Variants in ZNF559 observed in about 807,000 individuals in gnomAD.
The protein encoded by ZNF559 is zinc finger protein 559, also known as putative protein product of Nbla00121.
Under a neutral mutation model 14.2 loss-of-function variants are expected in ZNF559, and 17 were observed. The observed-to-expected ratio is 1.20, with a 90% CI of 0.82 to 1.80. ZNF559 has a LOEUF of 1.80. Ranked by LOEUF, ZNF559 falls within the 40% of genes most tolerant of loss-of-function variation. The probability of loss-of-function intolerance (pLI) is 0.00; values close to 1 mark genes in which losing one functional copy is unlikely to be tolerated. For missense variants in ZNF559, 740 were observed against 629.7 expected (o/e 1.18, Z -1.88); for synonymous variants, 244 against 212.4 (o/e 1.15, Z -1.29).
rs953538184 is a variant in ZNF559 at position 9,343,858 on chromosome 19, T to C, written c.*790T>C. On this transcript the variant is annotated 3_prime_UTR_variant, in exon 7 of 7. Coordinates refer to ENST00000603380, the MANE Select transcript of ZNF559 (RefSeq NM_032497.3). ...TAGCTGGTCTGAAGATCCTGAGTTA[T>C]CTCAATTGTTCACGGTTACAGATGG... The C allele has an allele frequency of 2.1e-6, 2 of 951,452 alleles. No homozygotes were observed. The highest frequency in any genetic ancestry group is 6.2e-5 in the Admixed American group (1 of 16,218). 58.9% of individuals were successfully genotyped at this position (951,452 alleles called of 1,614,324 possible).
upstream of ZNF559, chr19:9,323,952 T>A: frequency 1.8e-6 from 1 of 570,894 alleles, no homozygotes; most frequent in Non-Finnish European, 3.1e-6. Context: ...CTTTCTTTGC[T>A]TTGCTGGGCG....
At chr19:9,331,334 C>G (rs1246655454) in intron 2 of ZNF559, among the ~76,000 whole-genome samples, 2 of 152,144 alleles carry the variant, frequency 1.3e-5, no homozygotes, top group Non-Finnish European at 2.9e-5. Context: ...ATTCTCTTGC[C>G]TTGGCCTCCC....
At chr19:9,329,741 G>A (rs1032320112) in intron 2 of ZNF559, among the ~76,000 whole-genome samples, 1 of 152,150 alleles carries the variant, frequency 6.6e-6, no homozygotes, top group African/African-American at 2.4e-5. Flanking sequence ...TTGGCCTACT[G>A]CAACCTCCAC....
intron 5 of ZNF559, 114 bp from the exon 6 acceptor site, chr19:9,340,988 C>T (rs748520222): frequency 2.5e-6 from 2 of 808,432 alleles, no homozygotes; most frequent in African/African-American, 1.8e-5. Context: ...AAAAAACAAA[C>T]TATATTTCAA....
intron 2 of ZNF559, among the ~76,000 whole-genome samples, chr19:9,324,987 A>C (rs528959526): frequency 6.6e-6 from 1 of 152,246 alleles, no homozygotes; most frequent in Non-Finnish European, 1.5e-5. Flanking sequence ...CCAGGCCATC[A>C]CCTAGATCTC....
rs936925707 is a variant in ZNF559 at position 9,345,435 on chromosome 19, A to G, written c.*2367A>G. 7 of 152,168 alleles carry G rather than the reference A, an allele frequency of 4.6e-5. No homozygotes were observed. The highest frequency in any genetic ancestry group is 2.6e-4 in the Admixed American group (4 of 15,278). The allele number at this position is 152,168 out of a possible 1,614,324, so 9.4% of individuals were successfully genotyped here. A position where few individuals can be genotyped will look rare whatever the true frequency, so the allele number is the denominator to read the frequency against. ...CCATGAGCAGTATATAAGAGTTGCAATTCTTCTGCATCCTTGCCAATTATT... is the reference window on the plus strand; with the variant it reads ...CCATGAGCAGTATATAAGAGTTGCAGTTCTTCTGCATCCTTGCCAATTATT... On this transcript the variant is annotated 3_prime_UTR_variant, in exon 7 of 7. Transcript: ENST00000603380.
rs776219611 is a variant in ZNF559, at chr19:9,342,618, CTT to C, written c.1169_1170del (p.Phe390TyrfsTer2). 3 of 1,614,056 alleles carry C rather than the reference CTT, an allele frequency of 1.9e-6. No homozygotes were observed. The highest frequency in any genetic ancestry group is 1.7e-6 in the Non-Finnish European group (2 of 1,180,016). Reference sequence around the variant, plus strand: ...ATCAATGTAAGGAATGTGGAAAAGCCTTTATTAATTCCTCTTCCTTTAAAAGT... The same window carrying C: ...ATCAATGTAAGGAATGTGGAAAAGCCTATTAATTCCTCTTCCTTTAAAAGT... The part of the protein sequence containing the change: ...PYQCKECGKA[F>X]INSSSFKSHM... On this transcript the variant is annotated frameshift_variant, in exon 7 of 7. Coordinates refer to ENST00000603380, the MANE Select transcript of ZNF559 (RefSeq NM_032497.3). LOFTEE classifies it low-confidence loss of function (END_TRUNC).
At chr19:9,332,457 G>A (rs947834856) in intron 2 of ZNF559, among the ~76,000 whole-genome samples, 1 of 152,140 alleles carries the variant, frequency 6.6e-6, no homozygotes, top group Non-Finnish European at 1.5e-5. Flanking sequence ...AGGGCCCAGA[G>A]TACCTTAAAT....
chr19:9,340,446 A>G (rs2067495590), intron 5 of ZNF559, among the ~76,000 whole-genome samples: 1 of 150,332 alleles, frequency 6.7e-6, no homozygotes. Context: ...TAAATTTATG[A>G]TTTGCATTTA....
At chr19:9,327,240 T>A (rs55696432) in intron 2 of ZNF559, among the ~76,000 whole-genome samples, 13 of 99,510 alleles carry the variant, frequency 1.3e-4, no homozygotes, top group African/African-American at 4.9e-4. Context: ...TGTTTTGTTT[T>A]GTTTTTTTTT....
At chr19:9,325,848 A>AT (rs1252014833) in intron 2 of ZNF559, among the ~76,000 whole-genome samples, 4 of 151,492 alleles carry the variant, frequency 2.6e-5, no homozygotes, top group Non-Finnish European at 4.4e-5. Context: ...GATTTGTTTC[A>AT]TTTTTTTGTA....
At chr19:9,335,286 C>A (rs1253861670) in intron 2 of ZNF559, among the ~76,000 whole-genome samples, 1 of 152,024 alleles carries the variant, frequency 6.6e-6, no homozygotes, top group African/African-American at 2.4e-5. Context: ...TCCAGCCCCA[C>A]CACCAATCTC....
intron 2 of ZNF559, among the ~76,000 whole-genome samples, chr19:9,325,372 G>C (rs1308703646): frequency 6.6e-6 from 1 of 152,024 alleles, no homozygotes; most frequent in Non-Finnish European, 1.5e-5. Flanking sequence ...AGCATGGGAG[G>C]TCGAGGCTGC....
chr19:9,341,254 A>G (rs1247214349), intron 6 of ZNF559, 70 bp downstream of exon 6: 2 of 1,446,488 alleles, frequency 1.4e-6, no homozygotes, highest in Non-Finnish European at 1.9e-6. Context: ...TAAAATGGAA[A>G]AGCAGCACAA....
chr19:9,339,658 T>C (rs1025880115), intron 5 of ZNF559, among the ~76,000 whole-genome samples: 19 of 147,016 alleles, frequency 1.3e-4, no homozygotes, highest in African/African-American at 4.8e-4. Flanking sequence ...GTTTTTGTCA[T>C]GAACATTGTG....
chr19:9,338,098 C>A, intron 3 of ZNF559: 1 of 1,253,008 alleles, frequency 8.0e-7, no homozygotes, highest in Non-Finnish European at 1.1e-6. Flanking sequence ...GGTTTAGGGT[C>A]TAAGTGGCCC....
intron 2 of ZNF559, among the ~76,000 whole-genome samples, chr19:9,332,008 G>A (rs925576583): frequency 6.6e-6 from 1 of 152,116 alleles, no homozygotes; most frequent in Middle Eastern, 3.2e-3. Context: ...ACTTAGATGA[G>A]TTATTTTTAT....
At chr19:9,324,802 T>C in intron 2 of ZNF559, 22 bp downstream of exon 2, 1 of 1,532,700 alleles carries the variant, frequency 6.5e-7, no homozygotes, top group Non-Finnish European at 8.7e-7. Flanking sequence ...ATGCACTTGT[T>C]CTGGCTGTGG....
chr19:9,341,408 T>A (rs1209705869), intron 6 of ZNF559: 4 of 751,836 alleles, frequency 5.3e-6, no homozygotes, highest in Non-Finnish European at 9.4e-6. Flanking sequence ...TTCCCATATG[T>A]ATCTCAGATG....
Sources: allele counts gnomAD v4.1 joint callset (sites outside exome capture counted in the v4.1 genomes callset), GRCh38; gene constraint gnomAD v4.1.1; transcripts MANE v1.5; gene names NCBI Gene and HGNC (gene_info 2026-07-23, HGNC 2026-07-21).